The following ZNF407 variants were observed in gnomAD, a reference collection of about 807,000 sequenced individuals.
ZNF407 encodes the protein zinc finger protein 407.
ZNF407 carries 17 observed loss-of-function variants against 131.2 expected under a neutral mutation model. That is an observed-to-expected ratio of 0.13 (90% CI 0.09 to 0.19). The LOEUF (loss-of-function observed/expected upper bound fraction) is 0.19. Among genes scored for constraint, ZNF407 ranks in the 10% least tolerant of loss-of-function variants. The pLI is 1.00. For missense variants in ZNF407, 2,681 were observed against 2,830.6 expected, an observed-to-expected ratio of 0.95 and a Z score of 1.20; for synonymous variants, 1,156 against 1,062.0, an observed-to-expected ratio of 1.09 and a Z score of -1.72.
At chr18:74,708,532 T>G (rs1375939301) in intron 3 of ZNF407, among the ~76,000 whole-genome samples, 2 of 149,770 alleles carry the variant, frequency 1.3e-5, no homozygotes, top group Middle Eastern at 3.4e-3. Context: ...TCAGGTGTAT[T>G]CCTGGGACTA....
In ZNF407 at chr18:74,631,072, A is replaced by G. The variant is rs774416509; in HGVS notation, c.53A>G (p.Lys18Arg). 6.2e-6 allele frequency: 10 copies of G among 1,612,316 alleles called. No homozygotes were observed. The highest frequency in any genetic ancestry group is 4.2e-6 in the Non-Finnish European group (5 of 1,179,516). Residue 18 changes from lysine to arginine, a missense_variant, in exon 2 of 9, where the codon AAA (lysine) becomes AGA (arginine). Physicochemically the swap from Lys to Arg is conservative, Grantham distance 26. Coordinates refer to ENST00000299687, the MANE Select transcript of ZNF407 (RefSeq NM_017757.3). ...PENDEDEKIN[K>R]EAQDLTKLSS... ...AATGATGAGGATGAAAAGATAAACA[A>G]AGAAGCACAAGACTTGACAAAGCTT...
chr18:74,954,972 G>C (rs1047200775), intron 8 of ZNF407, among the ~76,000 whole-genome samples: 1 of 152,206 alleles, frequency 6.6e-6, no homozygotes, highest in East Asian at 1.9e-4. Flanking sequence ...GTTGTTATAT[G>C]TTACAAGCCA....
chr18:75,013,609 T>C (rs1973009265), intron 8 of ZNF407, among the ~76,000 whole-genome samples: 1 of 152,086 alleles, frequency 6.6e-6, no homozygotes, highest in Admixed American at 6.5e-5. Context: ...TGTGTGTTGA[T>C]TGGAGAGGAT....
chr18:74,973,067 A>C (rs1972490084), intron 8 of ZNF407, among the ~76,000 whole-genome samples: 1 of 152,080 alleles, frequency 6.6e-6, no homozygotes, highest in South Asian at 2.1e-4. Context: ...TTTTTCTAGA[A>C]GTCAGTTTTC....
At chr18:74,750,986 T>C (rs766588847) in intron 3 of ZNF407, among the ~76,000 whole-genome samples, 1 of 152,230 alleles carries the variant, frequency 6.6e-6, no homozygotes, top group Non-Finnish European at 1.5e-5. Context: ...ATATATTTTA[T>C]GGGGAAATAT....
At chr18:74,711,751 C>A (rs1274140694) in intron 3 of ZNF407, among the ~76,000 whole-genome samples, 4 of 152,198 alleles carry the variant, frequency 2.6e-5, no homozygotes, top group Non-Finnish European at 4.4e-5. Flanking sequence ...CTCTCTGTCA[C>A]CCGGGTTGGA....
chr18:74,992,909 TTAAAAC>T (rs1394287673), intron 8 of ZNF407, among the ~76,000 whole-genome samples: 1 of 152,090 alleles, frequency 6.6e-6, no homozygotes, highest in African/African-American at 2.4e-5. Context: ...AACGTGAAAA[TTAAAAC>T]TATAATAACA....
chr18:74,626,884 A>T (rs768771883), intron 1 of ZNF407, among the ~76,000 whole-genome samples: 8 of 152,198 alleles, frequency 5.3e-5, no homozygotes, highest in Non-Finnish European at 1.0e-4. Context: ...GCGAAGGTGC[A>T]TGAGGCATCT....
chr18:74,716,382 A>AC (rs761391719), intron 3 of ZNF407, among the ~76,000 whole-genome samples: 56 of 152,162 alleles, frequency 3.7e-4, no homozygotes, highest in Non-Finnish European at 7.1e-4. Context: ...CACAGCAGAC[A>AC]TTTTGTGTGT....
chr18:74,987,730 C>T (rs796080048), intron 8 of ZNF407, among the ~76,000 whole-genome samples: 43 of 151,902 alleles, frequency 2.8e-4, no homozygotes, highest in African/African-American at 1.0e-3. Flanking sequence ...TGTTCAAATA[C>T]TTAGGGATAC....
At chr18:74,608,448 G>C (rs562295679) in intron 1 of ZNF407, among the ~76,000 whole-genome samples, 57 of 151,838 alleles carry the variant, frequency 3.8e-4, no homozygotes, top group East Asian at 1.5e-3. Flanking sequence ...CCTGGTTCAA[G>C]CGATTCTTCT....
At chr18:74,798,943 TG>T (rs1276980421) in intron 4 of ZNF407, among the ~76,000 whole-genome samples, 1 of 152,152 alleles carries the variant, frequency 6.6e-6, no homozygotes, top group Admixed American at 6.5e-5. Context: ...ATCTCTTACT[TG>T]ATCTAATGGT....
At chr18:74,693,726 G>T (rs1295606748) in intron 3 of ZNF407, among the ~76,000 whole-genome samples, 4 of 151,924 alleles carry the variant, frequency 2.6e-5, no homozygotes, top group Non-Finnish European at 5.9e-5. Flanking sequence ...CGTGCTTGAG[G>T]TTTGTTAAAT....
At chr18:74,696,859 A>G (rs1335799559) in intron 3 of ZNF407, among the ~76,000 whole-genome samples, 1 of 152,182 alleles carries the variant, frequency 6.6e-6, no homozygotes, top group Non-Finnish European at 1.5e-5. Flanking sequence ...TGATATTACA[A>G]GCATCCTTCA....
At chr18:74,954,104 A>G (rs1265059422) in intron 8 of ZNF407, among the ~76,000 whole-genome samples, 6 of 152,234 alleles carry the variant, frequency 3.9e-5, no homozygotes, top group African/African-American at 1.4e-4. Flanking sequence ...CAATATTAAT[A>G]TGTTCAATAT....
rs959690447 is a variant in ZNF407, at chr18:74,703,008, A to T, written c.4802+61886A>T. Among the ~76,000 whole-genome samples, 5 of 152,240 alleles carry T rather than the reference A, an allele frequency of 3.3e-5. No homozygotes were observed. Among genetic ancestry groups the T allele is most frequent in the African/African-American group, 4.8e-5 (2 of 41,464 alleles). On this transcript the variant is annotated intron_variant, in intron 3 of 8. Coordinates refer to ENST00000299687, the MANE Select transcript of ZNF407 (RefSeq NM_017757.3). The surrounding 1 kb of genome is among the most constrained non-coding windows in gnomAD (Gnocchi z 4.1). ...TTACTGCTTCAGACCCTGATGGTAT[A>T]GGTTTCCATAGAATTTGGGGCTCTT...
intron 8 of ZNF407, among the ~76,000 whole-genome samples, chr18:75,033,384 C>T (rs79564101): frequency 2.0e-5 from 3 of 152,178 alleles, no homozygotes; most frequent in African/African-American, 2.4e-5. Flanking sequence ...TCAGCAACTT[C>T]GTTTTTGTTT....
intron 3 of ZNF407, among the ~76,000 whole-genome samples, chr18:74,708,962 C>A (rs1426184043): frequency 6.6e-6 from 1 of 152,132 alleles, no homozygotes; most frequent in African/African-American, 2.4e-5. Flanking sequence ...GATAATCGTC[C>A]CCTATGATTT....
At chr18:74,659,658 T>G (rs1176206403) in intron 3 of ZNF407, among the ~76,000 whole-genome samples, 1 of 152,172 alleles carries the variant, frequency 6.6e-6, no homozygotes, top group Non-Finnish European at 1.5e-5. Context: ...TTGTGACAAC[T>G]TCAGTAAAAA....
Sources: gnomAD v4.1 joint callset for allele counts (sites outside exome capture counted in the v4.1 genomes callset) on GRCh38, gnomAD v4.1.1 for gene constraint, Gnocchi (gnomAD v3.1) non-coding constraint, MANE v1.5 for transcripts, NCBI Gene and HGNC (gene_info 2026-07-23, HGNC 2026-07-21) for gene names.